DIS3L2: variants seen among roughly 807,000 people sequenced by gnomAD.
The protein encoded by DIS3L2 is DIS3-like exonuclease 2.
In DIS3L2, 34 loss-of-function variants were observed where a neutral mutation model predicts 97.5. That is an observed-to-expected ratio of 0.35 (90% CI 0.27 to 0.46). The LOEUF (loss-of-function observed/expected upper bound fraction) is 0.46. Ranked by LOEUF, DIS3L2 falls within the 20% of genes least tolerant of loss-of-function variation. DIS3L2 has a pLI of 1.00. For synonymous variants in DIS3L2, 435 were observed against 445.2 expected (o/e 0.98, Z 0.29); for missense variants, 1,038 against 1,146.0 (o/e 0.91, Z 1.36).
At chr2:232,051,210 C>A (rs1695389321) in intron 5 of DIS3L2, among the ~76,000 whole-genome samples, 2 of 152,066 alleles carry the variant, frequency 1.3e-5, no homozygotes, top group Admixed American at 1.3e-4. Flanking sequence ...TTAGGGGCCT[C>A]ACCTATAAAT....
At chr2:231,981,055 T>C (rs1693240672) in intron 1 of DIS3L2, among the ~76,000 whole-genome samples, 1 of 152,180 alleles carries the variant, frequency 6.6e-6, no homozygotes, top group African/African-American at 2.4e-5. Context: ...GTGATTCTTA[T>C]GTCTCAGCCT....
intron 8 of DIS3L2, among the ~76,000 whole-genome samples, chr2:232,146,116 C>T (rs868718212): frequency 7.2e-5 from 11 of 152,122 alleles, no homozygotes; most frequent in African/African-American, 2.7e-4. Context: ...CCTAGTTCAA[C>T]ATGGAAGTTA....
Position 232,015,533 on chromosome 2 carries a change from T to C in DIS3L2, c.72T>C (p.Gly24=). The C allele has an allele frequency of 6.2e-7, 1 of 1,611,368 alleles. No individual in the cohort carries two copies. The stretch of plus-strand genomic sequence containing the variant: ...TTCTAGGTGTGTCTGCTGTGGCTGG[T>C]CCACATGACATTGGTGCTTCGCCAG... ...GTPRGVSAVA[G]PHDIGASPGD... The change falls in exon 3 of 21, where the codon GGT becomes GGC. Residue 24 remains glycine, a synonymous_variant. Transcript: ENST00000325385.
Position 232,333,856 on chromosome 2 carries a change from G to A in DIS3L2, c.2027G>A (p.Cys676Tyr). 6.2e-7 allele frequency: 1 copy of A among 1,612,006 alleles called. No individual in the cohort carries two copies. The highest frequency in any genetic ancestry group is 8.5e-7 in the Non-Finnish European group (1 of 1,179,492). The change falls in exon 17 of 21, where the codon TGC becomes TAC. Residue 676 changes from cysteine (C) to tyrosine (Y), a missense_variant. By Grantham distance (194) the Cys-to-Tyr change is radical. Coordinates refer to ENST00000325385, the MANE Select transcript of DIS3L2 (RefSeq NM_152383.5). ...GTCCCGCAGATGGCACTGTACTTCT[G>A]CTCGGGGCTGCTGCAGGACCCAGCG... is the stretch of plus-strand genomic sequence containing the variant. The part of the protein sequence containing the change: ...SRPMQMALYF[C>Y]SGLLQDPAQF...
chr2:232,333,756 G>GACAGACCAA, intron 16 of DIS3L2, 84 bp from the exon 17 acceptor site: 6 of 1,487,186 alleles, frequency 4.0e-6, no homozygotes, highest in South Asian at 2.7e-5. Flanking sequence ...CGCTGCCGAC[G>GACAGACCAA]GTGAGGCTGT....
At chr2:232,340,463 G>A (rs957154492), downstream of DIS3L2, among the ~76,000 whole-genome samples, 14 of 152,252 alleles carry the variant, frequency 9.2e-5, no homozygotes, top group East Asian at 1.6e-3. Context: ...CACCTGTCCC[G>A]ACCTCTTACT....
At chr2:232,157,127 C>A (rs1348212781) in intron 8 of DIS3L2, among the ~76,000 whole-genome samples, 1 of 152,138 alleles carries the variant, frequency 6.6e-6, no homozygotes, top group Non-Finnish European at 1.5e-5. Flanking sequence ...AGCATATTTT[C>A]TGCCTTTTAA....
intron 14 of DIS3L2, among the ~76,000 whole-genome samples, chr2:232,316,360 C>G (rs1423635206): frequency 6.6e-6 from 1 of 152,074 alleles, no homozygotes; most frequent in African/African-American, 2.4e-5. Flanking sequence ...TCATTCGCCT[C>G]CACACTAGAT....
chr2:232,220,088 GT>G (rs1477943563), intron 10 of DIS3L2, among the ~76,000 whole-genome samples: 1 of 150,544 alleles, frequency 6.6e-6, no homozygotes, highest in African/African-American at 2.4e-5. Context: ...CCTGAGCAAC[GT>G]AGCAAAACCC....
At chr2:232,282,627 C>T (rs1194169399) in intron 13 of DIS3L2, among the ~76,000 whole-genome samples, 1 of 152,210 alleles carries the variant, frequency 6.6e-6, no homozygotes, top group African/African-American at 2.4e-5. Context: ...GCCATTGTCC[C>T]CTTCTCACAT....
At chr2:232,295,439 G>A (rs553874407) in intron 13 of DIS3L2, among the ~76,000 whole-genome samples, 27 of 152,264 alleles carry the variant, frequency 1.8e-4, no homozygotes, top group South Asian at 8.3e-4. Context: ...CCAAGAAAGG[G>A]GTTCCACTTT....
At chr2:232,172,870 A>G in intron 9 of DIS3L2, 1 of 459,816 alleles carries the variant, frequency 2.2e-6, no homozygotes. Context: ...GTCATGACTA[A>G]TGAGACTGAA....
intron 5 of DIS3L2, among the ~76,000 whole-genome samples, chr2:232,072,345 T>C (rs1452704308): frequency 6.6e-6 from 1 of 152,158 alleles, no homozygotes; most frequent in African/African-American, 2.4e-5. Context: ...GAAGACCTCA[T>C]TGAGAGCATG....
intron 6 of DIS3L2, among the ~76,000 whole-genome samples, chr2:232,118,549 C>G (rs1021044440): frequency 3.3e-5 from 5 of 152,194 alleles, no homozygotes; most frequent in African/African-American, 1.2e-4. Flanking sequence ...CACTTGCAAC[C>G]CCACAACAGT....
intron 8 of DIS3L2, among the ~76,000 whole-genome samples, chr2:232,139,031 T>C (rs913147381): frequency 9.2e-5 from 14 of 152,224 alleles, no homozygotes; most frequent in Non-Finnish European, 1.2e-4. Flanking sequence ...AAGGAACTTA[T>C]AGTCTAATGC....
chr2:232,278,902 CCACTTTGCATTCT>C (rs1694213989), intron 13 of DIS3L2, among the ~76,000 whole-genome samples: 1 of 152,144 alleles, frequency 6.6e-6, no homozygotes, highest in East Asian at 1.9e-4. Context: ...AGTGACTATA[CCACTTTGCATTCT>C]CATCAGCAAT....
intron 1 of DIS3L2, among the ~76,000 whole-genome samples, chr2:231,989,579 G>T (rs982226729): frequency 6.6e-6 from 1 of 152,130 alleles, no homozygotes; most frequent in Non-Finnish European, 1.5e-5. Context: ...GCTCACACCT[G>T]TAATCTCTGC....
At chr2:232,153,758 A>G (rs1310860870) in intron 8 of DIS3L2, among the ~76,000 whole-genome samples, 1 of 150,724 alleles carries the variant, frequency 6.6e-6, no homozygotes, top group Non-Finnish European at 1.5e-5. Context: ...GCCTTGCTAG[A>G]TTGGGGAAGT....
At chr2:232,169,739 A>G (rs1343993940) in intron 9 of DIS3L2, among the ~76,000 whole-genome samples, 1 of 152,172 alleles carries the variant, frequency 6.6e-6, no homozygotes, top group Admixed American at 6.5e-5. Context: ...CTCTAGCTAC[A>G]TAAGAACTTC....
Sources: allele counts gnomAD v4.1 joint callset (sites outside exome capture counted in the v4.1 genomes callset), GRCh38; gene constraint gnomAD v4.1.1; transcripts MANE v1.5; gene names NCBI Gene and HGNC (gene_info 2026-07-23, HGNC 2026-07-21).